The following KIF18A variants were observed in gnomAD, a reference collection of about 807,000 sequenced individuals.
KIF18A encodes the protein kinesin family member 18A, also known as kinesin-like protein KIF18A.
KIF18A carries 67 observed loss-of-function variants against 103.3 expected under a neutral mutation model. The ratio of observed to expected loss-of-function variants is 0.65; its 90% CI spans 0.53 to 0.79. The LOEUF is 0.79. Among genes scored for constraint, KIF18A ranks in the 30% least tolerant of loss-of-function variants. The probability of loss-of-function intolerance (pLI) is 0.00; values close to 1 mark genes in which losing one functional copy is unlikely to be tolerated. For missense variants in KIF18A, 1,032 were observed against 1,062.5 expected (o/e 0.97, Z 0.40); for synonymous variants, 367 against 355.5 (o/e 1.03, Z -0.36).
intron 10 of KIF18A, among the ~76,000 whole-genome samples, chr11:28,071,441 TTTAA>T (rs1169473715): frequency 1.7e-4 from 26 of 150,326 alleles, no homozygotes; most frequent in Non-Finnish European, 1.0e-4. Context: ...TAATTTTTAT[TTTAA>T]TTATTATTTA....
At chr11:28,069,200 A>G (rs1347977011) in intron 11 of KIF18A, 59 bp downstream of exon 11, 5 of 1,306,778 alleles carry the variant, frequency 3.8e-6, no homozygotes, top group Non-Finnish European at 5.5e-6. Context: ...AAGAAAAAGA[A>G]CACATTTTAG....
In KIF18A at chr11:28,038,672, C is replaced by G. The variant is rs1320333594; in HGVS notation, c.1949-2008G>C. Among the ~76,000 whole-genome samples, 3 of 151,546 alleles carry G rather than the reference C, an allele frequency of 2.0e-5. No homozygotes were observed. In the East Asian group the frequency reaches 5.8e-4, roughly 29 times the overall value. On this transcript the variant is annotated intron_variant, in intron 13 of 16. Transcript: ENST00000263181. Reference sequence around the variant, plus strand: ...GCACTATTCTTATTATATTAGTTGACAATATGCTCTGCTTTGGCTAGGTTG... The same window carrying G: ...GCACTATTCTTATTATATTAGTTGAGAATATGCTCTGCTTTGGCTAGGTTG...
At chr11:28,097,051 G>A (rs530698873) in intron 2 of KIF18A, among the ~76,000 whole-genome samples, 2 of 152,196 alleles carry the variant, frequency 1.3e-5, no homozygotes, top group African/African-American at 4.8e-5. Context: ...GGGGTACAGT[G>A]CAGGTTTGTT....
chr11:28,087,259 C>A (rs771142518), intron 6 of KIF18A, among the ~76,000 whole-genome samples: 2 of 152,020 alleles, frequency 1.3e-5, no homozygotes, highest in Non-Finnish European at 2.9e-5. Flanking sequence ...CCCTGCCTGG[C>A]GTGTAATGTT....
At chr11:28,046,436 T>C (rs1409312296) in intron 13 of KIF18A, among the ~76,000 whole-genome samples, 1 of 146,680 alleles carries the variant, frequency 6.8e-6, no homozygotes, top group Non-Finnish European at 1.5e-5. Flanking sequence ...CTCAGTAAAC[T>C]ATTGCAAGAA....
At chr11:28,055,448 T>C (rs933899398) in intron 13 of KIF18A, among the ~76,000 whole-genome samples, 2 of 152,184 alleles carry the variant, frequency 1.3e-5, no homozygotes, top group Non-Finnish European at 2.9e-5. Flanking sequence ...TGAGGTTGTT[T>C]GCTTATGCTG....
chr11:28,021,033 A>C lies in KIF18A; in HGVS notation c.*167T>G, dbSNP rs1342138996. ...GAAATTTTATTTTTTTAGAACACAA[A>C]AGAAGAAAACAAAGAGTTTCATTTT... On this transcript the variant is annotated 3_prime_UTR_variant, in exon 17 of 17. Transcript: ENST00000263181. 1.3e-5 allele frequency: 7 copies of C among 545,878 alleles called. No homozygotes were observed. In the African/African-American group the frequency reaches 1.4e-4, roughly 11 times the overall value. The allele number at this position is 545,878 out of a possible 1,614,324, so 33.8% of individuals were successfully genotyped here. A position where few individuals can be genotyped will look rare whatever the true frequency, so the allele number is the denominator to read the frequency against.
At chr11:28,036,686 G>C in intron 13 of KIF18A, 22 bp from the exon 14 acceptor site, 1 of 1,443,748 alleles carries the variant, frequency 6.9e-7, no homozygotes, top group Non-Finnish European at 9.4e-7. Context: ...AATAAAAAAA[G>C]ACACTCGATA....
intron 13 of KIF18A, among the ~76,000 whole-genome samples, chr11:28,053,484 CT>C (rs1288763175): frequency 6.6e-6 from 1 of 151,612 alleles, no homozygotes; most frequent in Non-Finnish European, 1.5e-5. Context: ...GAATCCTAAT[CT>C]TTTTTTAATT....
Position 28,032,265 on chromosome 11 carries a change from T to C in KIF18A, c.2504+3122A>G, listed in dbSNP as rs138492850. ...ATTCCATGTTCATGGATTGGAAGAATCAATATTGTTAAAATGTCCACACTA... is the reference window on the plus strand; with the variant it reads ...ATTCCATGTTCATGGATTGGAAGAACCAATATTGTTAAAATGTCCACACTA... On this transcript the variant is annotated intron_variant, in intron 15 of 16. Coordinates refer to ENST00000263181, the MANE Select transcript of KIF18A (RefSeq NM_031217.4). 7.8e-4 allele frequency among the ~76,000 whole-genome samples: 118 copies of C among 152,014 alleles called. 2 individuals are homozygous for C. The East Asian group carries it at 0.021, about 27-fold the overall frequency.
At chr11:28,101,072 CA>C (rs1851440516) in intron 1 of KIF18A, among the ~76,000 whole-genome samples, 1 of 152,104 alleles carries the variant, frequency 6.6e-6, no homozygotes, top group Non-Finnish European at 1.5e-5. Context: ...AGACTGAGTT[CA>C]TCTTTTGAGT....
chr11:28,074,363 T>C (rs2133543991), intron 10 of KIF18A, among the ~76,000 whole-genome samples: 1 of 152,196 alleles, frequency 6.6e-6, no homozygotes, highest in South Asian at 2.1e-4. Flanking sequence ...TGGCAACAAT[T>C]TGAAGTTCAT....
intron 13 of KIF18A, among the ~76,000 whole-genome samples, chr11:28,037,427 T>C (rs1850507997): frequency 6.6e-6 from 1 of 151,480 alleles, no homozygotes; most frequent in African/African-American, 2.4e-5. Context: ...TTAATGGCAT[T>C]TGTATTGTAT....
At chr11:28,078,289 A>G (rs1851121529) in intron 9 of KIF18A, among the ~76,000 whole-genome samples, 1 of 152,176 alleles carries the variant, frequency 6.6e-6, no homozygotes, top group Admixed American at 6.6e-5. Context: ...TTTCATAGGA[A>G]ATATGTACAG....
rs369110481 is a variant in KIF18A, at chr11:28,078,717, T to C, written c.1263-1548A>G. 9.2e-5 allele frequency among the ~76,000 whole-genome samples: 14 copies of C among 152,256 alleles called. No individual in the cohort carries two copies. In the East Asian group the frequency reaches 2.5e-3, roughly 27 times the overall value. ...TAAAAGAACAATTGTGTTTTCTTTTTATGATTTCCTTTTGAGAATTACCTT... is the reference window on the plus strand; with the variant it reads ...TAAAAGAACAATTGTGTTTTCTTTTCATGATTTCCTTTTGAGAATTACCTT... On this transcript the variant is annotated intron_variant, in intron 9 of 16. Transcript: ENST00000263181.
intron 10 of KIF18A, among the ~76,000 whole-genome samples, chr11:28,073,155 T>C (rs1465591153): frequency 6.6e-6 from 1 of 152,112 alleles, no homozygotes; most frequent in Admixed American, 6.6e-5. Context: ...CCATTCATTG[T>C]GGTTCTGGCT....
intron 10 of KIF18A, among the ~76,000 whole-genome samples, chr11:28,071,743 C>T (rs1851018365): frequency 6.6e-6 from 1 of 152,106 alleles, no homozygotes; most frequent in African/African-American, 2.4e-5. Flanking sequence ...GACCTATTGA[C>T]TTTTCTCTGC....
At position 28,036,982 on chromosome 11, in the gene KIF18A, TC is replaced by T. The variant is rs535935658; in HGVS notation, c.1949-319del. Among the ~76,000 whole-genome samples, 277 of 151,742 alleles carry T rather than the reference TC, an allele frequency of 1.8e-3. 1 individual carries two copies. The highest frequency in any genetic ancestry group is 6.2e-3 in the African/African-American group (257 of 41,496). ...ATCAATTCCAATAAAATTCACAATT[TC>T]TAGCTTTCATGTTTGATTTGGGTTT... On this transcript the variant is annotated intron_variant, in intron 13 of 16. Transcript: ENST00000263181.
intron 13 of KIF18A, among the ~76,000 whole-genome samples, chr11:28,044,330 T>C (rs1376124853): frequency 6.6e-6 from 1 of 152,154 alleles, no homozygotes; most frequent in Non-Finnish European, 1.5e-5. Flanking sequence ...AAAAAGTTCT[T>C]TGTAAATGAA....
Sources: allele counts gnomAD v4.1 joint callset (sites outside exome capture counted in the v4.1 genomes callset), GRCh38; gene constraint gnomAD v4.1.1; transcripts MANE v1.5; gene names NCBI Gene and HGNC (gene_info 2026-07-23, HGNC 2026-07-21).